Variants in JADE3 observed in about 807,000 individuals in gnomAD.
JADE3 encodes the protein protein Jade-3.
Under a neutral mutation model 50.1 loss-of-function variants are expected in JADE3, and 2 were observed. That is an observed-to-expected ratio of 0.04 (90% CI 0.02 to 0.13). The LOEUF is 0.13. Ranked by LOEUF, JADE3 falls within the 10% of genes least tolerant of loss-of-function variation. JADE3 has a pLI of 1.00. For missense variants in JADE3, 475 were observed against 634.4 expected, an observed-to-expected ratio of 0.75 and a Z score of 2.70; for synonymous variants, 218 against 232.9, an observed-to-expected ratio of 0.94 and a Z score of 0.58.
intron 1 of JADE3, among the ~76,000 whole-genome samples, chrX:46,952,184 T>G (rs1374203250): frequency 8.9e-6 from 1 of 112,581 alleles, no homozygotes; most frequent in Non-Finnish European, 1.9e-5. Flanking sequence ...CATGGTTCTT[T>G]GTATATCGCA....
In JADE3 at chrX:47,060,237, C is replaced by CGGGG. The variant is rs782315894; in HGVS notation, c.*1168_*1171dup. The stretch of plus-strand genomic sequence containing the variant: ...AGTAGGAAGAGAATAATTACATTTG[C>CGGGG]GGGGGGGGGGGTGGATAAAAACATG... On this transcript the variant is annotated 3_prime_UTR_variant, in exon 11 of 11. Coordinates refer to ENST00000614628, the MANE Select transcript of JADE3 (RefSeq NM_014735.5). 10 of 50,054 alleles carry CGGGG rather than the reference C, an allele frequency of 2.0e-4. No homozygotes were observed. Among genetic ancestry groups the CGGGG allele is most frequent in the African/African-American group, 3.5e-4 (6 of 16,945 alleles). 4.1% of individuals were successfully genotyped at this position (50,054 alleles called of 1,213,427 possible).
At chrX:46,942,037 C>G (rs1926773418) in intron 1 of JADE3, among the ~76,000 whole-genome samples, 1 of 110,620 alleles carries the variant, frequency 9.0e-6, no homozygotes, top group Admixed American at 9.6e-5. Context: ...GCCATTGTGC[C>G]TGGCCTTTTG....
At chrX:47,020,919 A>G (rs1717896752) in intron 4 of JADE3, among the ~76,000 whole-genome samples, 1 of 110,447 alleles carries the variant, frequency 9.1e-6, no homozygotes, top group Admixed American at 9.7e-5. Flanking sequence ...GTTCAAGACT[A>G]GCCTGGGCAA....
intron 4 of JADE3, among the ~76,000 whole-genome samples, chrX:47,003,012 G>A (rs1212622800): frequency 9.0e-6 from 1 of 111,403 alleles, no homozygotes; most frequent in African/African-American, 3.3e-5. Context: ...TCATAAATGG[G>A]TATTGAATTT....
At position 47,032,633 on chromosome X, in the gene JADE3, G is replaced by T. The variant is rs782699576; in HGVS notation, c.688-988G>T. ...GACGGAGAGGAACGTCAGAGTCTTG[G>T]GGCCACTGTAGGGAGAATAGCAAGT... On this transcript the variant is annotated intron_variant, in intron 6 of 10. Coordinates refer to ENST00000614628, the MANE Select transcript of JADE3 (RefSeq NM_014735.5). Among the ~76,000 whole-genome samples, 3 of 111,337 alleles carry T rather than the reference G, an allele frequency of 2.7e-5. No homozygotes were observed. The East Asian group carries it at 8.5e-4, about 31-fold the overall frequency.
chrX:47,055,494 A>G (rs1490203950), intron 9 of JADE3, among the ~76,000 whole-genome samples: 1 of 112,247 alleles, frequency 8.9e-6, no homozygotes, highest in Non-Finnish European at 1.9e-5. Context: ...TAATTCTAAC[A>G]TGCCCATGAA....
At chrX:46,992,701 G>A (rs1928045096) in intron 3 of JADE3, among the ~76,000 whole-genome samples, 1 of 111,840 alleles carries the variant, frequency 8.9e-6, no homozygotes, top group Admixed American at 9.5e-5. Context: ...TGAGCCTTAT[G>A]ATTTTACTGG....
chrX:47,046,329 T>C (rs1929374203), intron 8 of JADE3, among the ~76,000 whole-genome samples: 1 of 111,535 alleles, frequency 9.0e-6, no homozygotes, highest in Admixed American at 9.6e-5. Context: ...GATTGAACCA[T>C]GATGAAATTT....
chrX:46,996,410 G>C (rs1556357385), intron 3 of JADE3, among the ~76,000 whole-genome samples: 1 of 112,189 alleles, frequency 8.9e-6, no homozygotes, highest in African/African-American at 3.2e-5. Context: ...TTTGTCTGTA[G>C]TCTTCAAGTT....
rs1556338199 is a variant in JADE3, at chrX:46,923,393, C to CTCTCTTTATTTTTT, written c.-12+10675_-12+10676insCTCTTTATTTTTTT. Among the ~76,000 whole-genome samples, 5 of 11,522 alleles carry CTCTCTTTATTTTTT rather than the reference C, an allele frequency of 4.3e-4. No individual in the cohort carries two copies. The East Asian group carries it at 0.014, about 33-fold the overall frequency. The allele number at this position is 11,522 out of a possible 115,157, so 10.0% of individuals were successfully genotyped here. A position where few individuals can be genotyped will look rare whatever the true frequency, so the allele number is the denominator to read the frequency against. Reference sequence around the variant, plus strand: ...ATTTCTTTTCTCTCTCTCTCTCTCTCTTTTTTTTTTTTTTTTTTTTTTTTT... The same window carrying CTCTCTTTATTTTTT: ...ATTTCTTTTCTCTCTCTCTCTCTCTCTCTCTTTATTTTTTTTTTTTTTTTTTTTTTTTTTTTTTT... On this transcript the variant is annotated intron_variant, in intron 1 of 10. Transcript: ENST00000614628.
intron 8 of JADE3, among the ~76,000 whole-genome samples, chrX:47,042,921 G>A (rs1383619201): frequency 8.9e-6 from 1 of 111,765 alleles, no homozygotes; most frequent in African/African-American, 3.3e-5. Flanking sequence ...GCTGGCTTTA[G>A]ATCTGACTGG....
At chrX:47,028,910 A>G (rs1416272684) in intron 6 of JADE3, among the ~76,000 whole-genome samples, 3 of 111,410 alleles carry the variant, frequency 2.7e-5, no homozygotes, top group African/African-American at 9.8e-5. Flanking sequence ...TCAAAAATCT[A>G]TATATTTTTC....
rs575471077 is a variant in JADE3, at chrX:46,919,009, A to G, written c.-12+6290A>G. On this transcript the variant is annotated intron_variant, in intron 1 of 10. Transcript: ENST00000614628. ...AATAATTCATAATAATTAGCAATGA[A>G]TGTAAGCTGTTAAGCTTTGATAAAT... Among the ~76,000 whole-genome samples, 12 of 112,654 alleles carry G rather than the reference A, an allele frequency of 1.1e-4. 1 individual carries two copies. In the South Asian group the frequency reaches 4.0e-3, roughly 38 times the overall value.
intron 1 of JADE3, among the ~76,000 whole-genome samples, chrX:46,923,499 C>A (rs1226449316): frequency 1.0e-5 from 1 of 100,193 alleles, no homozygotes; most frequent in East Asian, 3.2e-4. Flanking sequence ...AGCCTCTCAA[C>A]CTTCTGGGCT....
intron 1 of JADE3, among the ~76,000 whole-genome samples, chrX:46,933,395 T>C (rs1926537531): frequency 8.9e-6 from 1 of 112,352 alleles, no homozygotes; most frequent in Non-Finnish European, 1.9e-5. Context: ...ATATACAGTA[T>C]AAGACCACTG....
At chrX:46,945,085 G>A (rs1556343120) in intron 1 of JADE3, among the ~76,000 whole-genome samples, 1 of 107,523 alleles carries the variant, frequency 9.3e-6, no homozygotes, top group African/African-American at 3.4e-5. Flanking sequence ...CAAACTCCTA[G>A]GCTCAAACAG....
intron 1 of JADE3, among the ~76,000 whole-genome samples, chrX:46,973,802 C>T (rs973708991): frequency 7.1e-5 from 8 of 112,435 alleles, no homozygotes; most frequent in Non-Finnish European, 1.1e-4. Context: ...AATAGTTGGC[C>T]GGACGTGGTG....
chrX:46,978,253 A>G (rs782530473), intron 1 of JADE3, among the ~76,000 whole-genome samples: 1 of 112,184 alleles, frequency 8.9e-6, no homozygotes, highest in Admixed American at 9.5e-5. Flanking sequence ...AAGAAAGTTT[A>G]TGAATGTGTG....
intron 6 of JADE3, among the ~76,000 whole-genome samples, chrX:47,029,700 A>G (rs963639298): frequency 2.3e-4 from 26 of 111,812 alleles, no homozygotes; most frequent in African/African-American, 6.5e-5. Flanking sequence ...CTTTTTCTTC[A>G]TTTACCTTTA....
Sources: gnomAD v4.1 joint callset for allele counts (sites outside exome capture counted in the v4.1 genomes callset) on GRCh38, gnomAD v4.1.1 for gene constraint, MANE v1.5 for transcripts, NCBI Gene and HGNC (gene_info 2026-07-23, HGNC 2026-07-21) for gene names.